The following KLHL5 variants were observed in gnomAD, a reference collection of about 807,000 sequenced individuals.
KLHL5 encodes kelch-like protein 5.
KLHL5 carries 48 observed loss-of-function variants against 77.7 expected under a neutral mutation model. That is an observed-to-expected ratio of 0.62 (90% CI 0.49 to 0.79). The LOEUF (loss-of-function observed/expected upper bound fraction) is 0.79. KLHL5 is among the 30% of genes least tolerant of loss of function. KLHL5 has a pLI of 0.00. For synonymous variants in KLHL5, 260 were observed against 297.0 expected (o/e 0.88, Z 1.28); for missense variants, 723 against 859.7 (o/e 0.84, Z 1.99).
chr4:39,113,454 A>G (rs1334682495), intron 9 of KLHL5, among the ~76,000 whole-genome samples: 1 of 152,224 alleles, frequency 6.6e-6, no homozygotes, highest in South Asian at 2.1e-4. Context: ...TTTATTTTAT[A>G]TGGGATATTG....
At chr4:39,088,141 G>A (rs915606259) in intron 5 of KLHL5, among the ~76,000 whole-genome samples, 1 of 152,148 alleles carries the variant, frequency 6.6e-6, no homozygotes, top group Admixed American at 6.6e-5. Context: ...TGAAAAATCC[G>A]ATTCGACTTT....
chr4:39,071,984 A>T (rs1358191804), intron 1 of KLHL5, among the ~76,000 whole-genome samples: 1 of 152,210 alleles, frequency 6.6e-6, no homozygotes, highest in East Asian at 1.9e-4. Context: ...TATGTAAAAG[A>T]TCAAGTAGAA....
chr4:39,121,299 A>G lies in KLHL5; in HGVS notation c.*233A>G. 3.7e-6 allele frequency: 2 copies of G among 542,292 alleles called. No individual in the cohort carries two copies. Among genetic ancestry groups the G allele is most frequent in the Non-Finnish European group, 6.6e-6 (2 of 303,278 alleles). 33.6% of individuals were successfully genotyped at this position (542,292 alleles called of 1,614,324 possible). A position where few individuals can be genotyped will look rare whatever the true frequency, so the allele number is the denominator to read the frequency against. Reference sequence around the variant, plus strand: ...TGCAGCTGGTGGATTGTGATCACACATTCCCGAAGTAATAAGTGAGGACGA... The same window carrying G: ...TGCAGCTGGTGGATTGTGATCACACGTTCCCGAAGTAATAAGTGAGGACGA... On this transcript the variant is annotated 3_prime_UTR_variant, in exon 11 of 11. Transcript: ENST00000504108.
At chr4:39,107,826 G>A in intron 8 of KLHL5, 95 bp downstream of exon 8, 1 of 858,122 alleles carries the variant, frequency 1.2e-6, no homozygotes, top group Non-Finnish European at 1.7e-6. Context: ...AATACTTACA[G>A]TGATTTGAAG....
At chr4:39,046,424 G>T (rs571541302) in intron 1 of KLHL5, among the ~76,000 whole-genome samples, 3 of 152,090 alleles carry the variant, frequency 2.0e-5, no homozygotes, top group Non-Finnish European at 4.4e-5. Context: ...CTGGGAGCTA[G>T]GTAAAAAGAG....
chr4:39,117,159 G>A (rs1404461653), intron 10 of KLHL5, among the ~76,000 whole-genome samples: 1 of 152,098 alleles, frequency 6.6e-6, no homozygotes, highest in Non-Finnish European at 1.5e-5. Flanking sequence ...AAATTAGCAA[G>A]GTGTGGTGGC....
At chr4:39,072,621 G>A (rs1426461590) in intron 1 of KLHL5, among the ~76,000 whole-genome samples, 2 of 152,130 alleles carry the variant, frequency 1.3e-5, no homozygotes, top group Admixed American at 1.3e-4. Flanking sequence ...AATTAAAATA[G>A]CCTCATGGGG....
chr4:39,098,889 G>GA (rs139371784), intron 6 of KLHL5, among the ~76,000 whole-genome samples: 14 of 147,832 alleles, frequency 9.5e-5, no homozygotes, highest in Admixed American at 2.7e-4. Flanking sequence ...AACAGTTCAG[G>GA]AAAAAAAAAA....
At chr4:39,140,170 C>T in the KLHL5 span, among the ~76,000 whole-genome samples, 1 of 152,012 alleles carries the variant, frequency 6.6e-6, no homozygotes, top group Admixed American at 6.6e-5. Flanking sequence ...TCGAGGCTGC[C>T]ATGAGCCAAG....
At chr4:39,049,645 G>A (rs1003764303) in intron 1 of KLHL5, among the ~76,000 whole-genome samples, 9 of 152,064 alleles carry the variant, frequency 5.9e-5, no homozygotes, top group African/African-American at 2.2e-4. Context: ...GCTGCAGTGA[G>A]CCATGATCAG....
intron 1 of KLHL5, among the ~76,000 whole-genome samples, chr4:39,052,277 C>T (rs1192312244): frequency 6.6e-6 from 1 of 151,866 alleles, no homozygotes; most frequent in Non-Finnish European, 1.5e-5. Flanking sequence ...CCTGCTACCA[C>T]GCCCAGCTAA....
At chr4:39,080,523 C>CA (rs111681718) in intron 2 of KLHL5, among the ~76,000 whole-genome samples, 3,537 of 129,544 alleles carry the variant, frequency 0.027, 134 homozygotes, top group African/African-American at 0.089. Context: ...GAGACTGTCT[C>CA]AAAAAAAAAA....
At chr4:39,084,394 C>T (rs944482801) in intron 4 of KLHL5, among the ~76,000 whole-genome samples, 7 of 152,148 alleles carry the variant, frequency 4.6e-5, no homozygotes, top group African/African-American at 1.7e-4. Context: ...TGTATGATTA[C>T]AACTATTTAA....
At chr4:39,067,531 C>G (rs559515721) in intron 1 of KLHL5, among the ~76,000 whole-genome samples, 1 of 151,918 alleles carries the variant, frequency 6.6e-6, no homozygotes, top group African/African-American at 2.4e-5. Context: ...TGTGACTAAT[C>G]ACAGAGTTCA....
At chr4:39,061,179 G>A (rs969897917), upstream of KLHL5, among the ~76,000 whole-genome samples, 2 of 152,072 alleles carry the variant, frequency 1.3e-5, no homozygotes, top group African/African-American at 2.4e-5. Context: ...TATTTAGCAT[G>A]AAATCATACT....
intron 7 of KLHL5, among the ~76,000 whole-genome samples, chr4:39,106,273 C>T (rs1018712444): frequency 2.0e-5 from 3 of 152,330 alleles, no homozygotes; most frequent in African/African-American, 7.2e-5. Context: ...CCCCAGCTAT[C>T]TCCAAATCTG....
At chr4:39,119,770 T>C (rs971251375) in intron 10 of KLHL5, among the ~76,000 whole-genome samples, 5 of 152,248 alleles carry the variant, frequency 3.3e-5, no homozygotes, top group African/African-American at 1.2e-4. Flanking sequence ...CTACACTTTC[T>C]AGCTAGTTGT....
intron 9 of KLHL5, among the ~76,000 whole-genome samples, chr4:39,114,579 A>G (rs1722699466): frequency 6.6e-6 from 1 of 152,206 alleles, no homozygotes; most frequent in South Asian, 2.1e-4. Context: ...TTGGGGGGAA[A>G]ACAATTGAGA....
At chr4:39,071,158 G>C (rs1452241845) in intron 1 of KLHL5, among the ~76,000 whole-genome samples, 2 of 151,992 alleles carry the variant, frequency 1.3e-5, no homozygotes, top group Non-Finnish European at 2.9e-5. Context: ...TACTGAAAAG[G>C]ATATGTATCA....
Sources: gnomAD v4.1 joint callset for allele counts (sites outside exome capture counted in the v4.1 genomes callset) on GRCh38, gnomAD v4.1.1 for gene constraint, MANE v1.5 for transcripts, NCBI Gene and HGNC (gene_info 2026-07-23, HGNC 2026-07-21) for gene names.